The following TNFRSF8 variants were observed in gnomAD, a reference collection of about 807,000 sequenced individuals.
The protein encoded by TNFRSF8 is TNF receptor superfamily member 8, also known as tumor necrosis factor receptor superfamily member 8.
In TNFRSF8, 26 loss-of-function variants were observed where a neutral mutation model predicts 70.8. That is an observed-to-expected ratio of 0.37 (90% confidence interval 0.27 to 0.51). TNFRSF8 has a LOEUF of 0.51. Among genes scored for constraint, TNFRSF8 ranks in the 20% least tolerant of loss-of-function variants. The pLI is 0.94. For synonymous variants in TNFRSF8, 356 were observed against 339.2 expected, an observed-to-expected ratio of 1.05 and a Z score of -0.54; for missense variants, 720 against 807.9, an observed-to-expected ratio of 0.89 and a Z score of 1.32.
intron 1 of TNFRSF8, among the ~76,000 whole-genome samples, chr1:12,066,735 C>T (rs757649195): frequency 3.3e-5 from 5 of 152,010 alleles, no homozygotes; most frequent in Non-Finnish European, 5.9e-5. Context: ...TCACTGCAAC[C>T]TCTGCCTCCT....
At chr1:12,125,768 A>G in intron 10 of TNFRSF8, 183 bp from the exon 11 acceptor site, 1 of 644,842 alleles carries the variant, frequency 1.6e-6, no homozygotes, top group Non-Finnish European at 2.8e-6. Context: ...TCAATAGTTG[A>G]TCAGCTTCCT....
Position 12,119,335 on chromosome 1 carries a change from G to A in TNFRSF8, c.946+3606G>A, listed in dbSNP as rs115278559. 7.4e-3 allele frequency among the ~76,000 whole-genome samples: 1,132 copies of A among 152,250 alleles called. 18 individuals are homozygous for A. Among genetic ancestry groups the A allele is most frequent in the African/African-American group, 0.026 (1,096 of 41,536 alleles). On this transcript the variant is annotated intron_variant, in intron 8 of 14. Transcript: ENST00000263932. This position sits in a 1 kb window ranked among gnomAD's most constrained non-coding sequence, Gnocchi z 4.4. ...GTCTTTGGCACCCCAAAGTGCTCCA[G>A]GCGTCTCCCCCACAGTGGCAGCCTC...
At chr1:12,137,412 TC>T (rs1176548494) in intron 13 of TNFRSF8, among the ~76,000 whole-genome samples, 1 of 152,140 alleles carries the variant, frequency 6.6e-6, no homozygotes, top group Non-Finnish European at 1.5e-5. Context: ...AGCACGGGCA[TC>T]CCTGCCTCCT....
intron 13 of TNFRSF8, 111 bp downstream of exon 13, chr1:12,135,724 G>A (rs1642134115): frequency 7.6e-6 from 11 of 1,446,906 alleles, no homozygotes; most frequent in East Asian, 4.9e-5. Context: ...GGGAGGGGAC[G>A]GACTGGCCAT....
At chr1:12,122,152 G>A (rs574995608) in intron 8 of TNFRSF8, among the ~76,000 whole-genome samples, 2 of 152,146 alleles carry the variant, frequency 1.3e-5, no homozygotes, top group South Asian at 4.2e-4. Context: ...ACCTTTGTCA[G>A]AACTCATCAG....
At chr1:12,073,539 T>C (rs1386174565) in intron 1 of TNFRSF8, among the ~76,000 whole-genome samples, 4 of 151,078 alleles carry the variant, frequency 2.6e-5, no homozygotes. Context: ...TTTCCGTTCC[T>C]TTCCCTTTCG....
At chr1:12,077,367 T>C (rs904697683) in intron 1 of TNFRSF8, among the ~76,000 whole-genome samples, 2 of 152,030 alleles carry the variant, frequency 1.3e-5, no homozygotes, top group African/African-American at 4.8e-5. Context: ...TAGAGAGAGA[T>C]GATAGAGGCA....
chr1:12,076,097 C>CTTTTT lies in TNFRSF8; in HGVS notation c.64-8366_64-8362dup, dbSNP rs397829917. 7.2e-5 allele frequency among the ~76,000 whole-genome samples: 10 copies of CTTTTT among 139,480 alleles called. 1 individual carries two copies. Among genetic ancestry groups the CTTTTT allele is most frequent in the Non-Finnish European group, 1.1e-4 (7 of 64,420 alleles). The allele number at this position is 139,480 out of a possible 152,430, so 91.5% of individuals were successfully genotyped here. ...TTCTTGGTTTTATTCTTTTTTTTTT[C>CTTTTT]TTTTTCTTTTTTTTTTTTTTGAGAT... On this transcript the variant is annotated intron_variant, in intron 1 of 14. Transcript: ENST00000263932.
In TNFRSF8 at chr1:12,113,785, C is replaced by G. The variant is rs201955892; in HGVS notation, c.793+1771C>G. Among the ~76,000 whole-genome samples the G allele has an allele frequency of 2.2e-5, 3 of 136,468 alleles. No homozygotes were observed. The highest frequency in any genetic ancestry group is 7.4e-5 in the African/African-American group (3 of 40,292). 89.5% of individuals were successfully genotyped at this position (136,468 alleles called of 152,430 possible). A position where few individuals can be genotyped will look rare whatever the true frequency, so the allele number is the denominator to read the frequency against. ...AGAGACAGAAAGAGAGAGAGAGAGA[C>G]AGACAGAGGCAGCAGCCACCCCTCC... is the stretch of plus-strand genomic sequence containing the variant. On this transcript the variant is annotated intron_variant, in intron 7 of 14. Coordinates refer to ENST00000263932, the MANE Select transcript of TNFRSF8 (RefSeq NM_001243.5). The surrounding 1 kb of genome is among the most constrained non-coding windows in gnomAD (Gnocchi z 4.9).
Position 12,087,188 on chromosome 1 carries a change from G to A in TNFRSF8, c.151+2637G>A, listed in dbSNP as rs138031577. Among the ~76,000 whole-genome samples the A allele has an allele frequency of 4.2e-5, 4 of 95,714 alleles. No individual in the cohort carries two copies. In the Admixed American group the frequency reaches 4.8e-4, roughly 12 times the overall value. The allele number at this position is 95,714 out of a possible 152,430, so 62.8% of individuals were successfully genotyped here. A position where few individuals can be genotyped will look rare whatever the true frequency, so the allele number is the denominator to read the frequency against. On this transcript the variant is annotated intron_variant, in intron 2 of 14. Transcript: ENST00000263932. ...CTCTTTTTTTTTTTTTTTTTTTTGA[G>A]ATAGAGTCTGTCTCTGTAGTCCAGG... is the stretch of plus-strand genomic sequence containing the variant.
intron 9 of TNFRSF8, 31 bp from the exon 10 acceptor site, chr1:12,123,683 TC>T (rs1014324657): frequency 6.6e-7 from 1 of 1,525,354 alleles, no homozygotes; most frequent in Admixed American, 2.0e-5. Flanking sequence ...CTTCCCATCT[TC>T]ATCACTCCTG....
chr1:12,077,785 A>G (rs1396722150), intron 1 of TNFRSF8: 1 of 151,950 alleles, frequency 6.6e-6, no homozygotes, highest in Non-Finnish European at 1.5e-5. Context: ...CCAGTGGCAA[A>G]AAGAGGCTGG....
chr1:12,067,647 G>A lies in TNFRSF8; in HGVS notation c.63+3986G>A, dbSNP rs553713031. On this transcript the variant is annotated intron_variant, in intron 1 of 14. Transcript: ENST00000263932. Reference sequence around the variant, plus strand: ...GAGGTTGCAGTGAGCCAGCACTCCCGCCTGGGTGGCAGTGAGACTGTATTT... The same window carrying A: ...GAGGTTGCAGTGAGCCAGCACTCCCACCTGGGTGGCAGTGAGACTGTATTT... 5.3e-5 allele frequency among the ~76,000 whole-genome samples: 8 copies of A among 151,812 alleles called. No homozygotes were observed. The East Asian group carries it at 1.4e-3, about 26-fold the overall frequency.
At chr1:12,137,938 C>T (rs1291575472) in intron 13 of TNFRSF8, among the ~76,000 whole-genome samples, 1 of 152,136 alleles carries the variant, frequency 6.6e-6, no homozygotes, top group African/African-American at 2.4e-5. Flanking sequence ...TTACCCACCT[C>T]ATACAGTGGT....
At chr1:12,097,258 G>C in intron 3 of TNFRSF8, 41 bp downstream of exon 3, 1 of 1,470,306 alleles carries the variant, frequency 6.8e-7, no homozygotes, top group Non-Finnish European at 9.5e-7. Context: ...CTTCTAGGGA[G>C]CATGAGGGGT....
At position 12,067,332 on chromosome 1, in the gene TNFRSF8, A is replaced by C. The variant is rs1640760203; in HGVS notation, c.63+3671A>C. 2.0e-5 allele frequency among the ~76,000 whole-genome samples: 3 copies of C among 152,304 alleles called. No homozygotes were observed. The South Asian group carries it at 6.2e-4, about 32-fold the overall frequency. On this transcript the variant is annotated intron_variant, in intron 1 of 14. Transcript: ENST00000263932. ...CATCCATGTACCCCCAATTCCAGCCAGATGTAAGCATCTTTGCTCTGGGTT... is the reference window on the plus strand; with the variant it reads ...CATCCATGTACCCCCAATTCCAGCCCGATGTAAGCATCTTTGCTCTGGGTT...
At chr1:12,124,938 T>C (rs1032005958) in intron 10 of TNFRSF8, among the ~76,000 whole-genome samples, 1 of 151,896 alleles carries the variant, frequency 6.6e-6, no homozygotes, top group Admixed American at 6.6e-5. Flanking sequence ...ATTTTAGGAC[T>C]TGCAGTTCTA....
intron 2 of TNFRSF8, among the ~76,000 whole-genome samples, chr1:12,087,911 G>A (rs970057182): frequency 3.3e-5 from 5 of 152,068 alleles, no homozygotes; most frequent in Non-Finnish European, 5.9e-5. Context: ...CTCCATATTG[G>A]TGTGGTGGGT....
intron 3 of TNFRSF8, among the ~76,000 whole-genome samples, chr1:12,102,682 C>T (rs1267555414): frequency 6.6e-6 from 1 of 151,510 alleles, no homozygotes; most frequent in Non-Finnish European, 1.5e-5. Flanking sequence ...TGCACCACCA[C>T]ACCTGGCTAA....
Sources: gnomAD v4.1 joint callset for allele counts (sites outside exome capture counted in the v4.1 genomes callset) on GRCh38, gnomAD v4.1.1 for gene constraint, Gnocchi (gnomAD v3.1) non-coding constraint, MANE v1.5 for transcripts, NCBI Gene and HGNC (gene_info 2026-07-23, HGNC 2026-07-21) for gene names.